C20orf203: variants seen among roughly 807,000 people sequenced by gnomAD.
The protein encoded by C20orf203 is chromosome 20 open reading frame 203, also known as uncharacterized protein C20orf203.
In C20orf203, 16 loss-of-function variants were observed where a neutral mutation model predicts 15.9. The observed-to-expected ratio is 1.01, with a 90% CI of 0.68 to 1.53. The LOEUF is 1.53. Ranked by LOEUF, C20orf203 falls within the 40% of genes most tolerant of loss-of-function variation. The probability of loss-of-function intolerance (pLI) is 0.00; values close to 1 mark genes in which losing one functional copy is unlikely to be tolerated. For synonymous variants in C20orf203, 98 were observed against 97.2 expected, an observed-to-expected ratio of 1.01 and a Z score of -0.05; for missense variants, 263 against 247.5, an observed-to-expected ratio of 1.06 and a Z score of -0.42.
At chr20:32,642,296 G>A (rs1173169950) in intron 4 of C20orf203, among the ~76,000 whole-genome samples, 1 of 152,192 alleles carries the variant, frequency 6.6e-6, no homozygotes, top group Non-Finnish European at 1.5e-5. Context: ...CTGCAGACTT[G>A]GCCCTGCTCT....
intron 5 of C20orf203, among the ~76,000 whole-genome samples, chr20:32,636,821 C>T (rs918221165): frequency 6.6e-6 from 1 of 152,212 alleles, no homozygotes; most frequent in Admixed American, 6.5e-5. Context: ...GTTGGAGTGA[C>T]CCATTCATCC....
intron 4 of C20orf203, among the ~76,000 whole-genome samples, chr20:32,646,121 G>T (rs1889582518): frequency 6.6e-6 from 1 of 151,470 alleles, no homozygotes; most frequent in African/African-American, 2.4e-5. Context: ...TGGGCCTTAA[G>T]GTAAGGGTCA....
chr20:32,652,902 G>A (rs1179846472), intron 1 of C20orf203, among the ~76,000 whole-genome samples: 1 of 152,202 alleles, frequency 6.6e-6, no homozygotes, highest in African/African-American at 2.4e-5. Context: ...GGCAGGGTGA[G>A]TGCTAGGTCA....
At chr20:32,667,033 C>CT (rs539969132) in intron 1 of C20orf203, among the ~76,000 whole-genome samples, 14 of 150,844 alleles carry the variant, frequency 9.3e-5, no homozygotes, top group East Asian at 5.8e-4. Flanking sequence ...GATTTACATC[C>CT]TTTTTTTTGA....
chr20:32,646,697 T>A (rs1274467372), intron 4 of C20orf203, among the ~76,000 whole-genome samples: 2 of 152,202 alleles, frequency 1.3e-5, no homozygotes, highest in African/African-American at 2.4e-5. Flanking sequence ...CCCTAACTTG[T>A]CCCTATAGGT....
intron 1 of C20orf203, among the ~76,000 whole-genome samples, chr20:32,668,029 C>A (rs1349753241): frequency 6.6e-6 from 1 of 152,130 alleles, no homozygotes; most frequent in Non-Finnish European, 1.5e-5. Context: ...GGCTAGCCCG[C>A]CTGGAGTGAA....
chr20:32,637,653 A>G (rs987552654), intron 5 of C20orf203, among the ~76,000 whole-genome samples: 1 of 152,146 alleles, frequency 6.6e-6, no homozygotes, highest in African/African-American at 2.4e-5. Flanking sequence ...CTTGGACTAC[A>G]GTGTCAGCTC....
chr20:32,647,137 G>A (rs1982455776), intron 4 of C20orf203, among the ~76,000 whole-genome samples: 1 of 152,228 alleles, frequency 6.6e-6, no homozygotes, highest in Non-Finnish European at 1.5e-5. Context: ...GCTCACACCT[G>A]TAATCCCAGC....
chr20:32,668,640 A>T (rs942193803), intron 1 of C20orf203, among the ~76,000 whole-genome samples: 3 of 151,614 alleles, frequency 2.0e-5, no homozygotes, highest in Admixed American at 1.3e-4. Context: ...AAAAATAAAT[A>T]AAAAAATAAA....
At chr20:32,647,830 A>G (rs1345249880) in intron 4 of C20orf203, among the ~76,000 whole-genome samples, 2 of 152,186 alleles carry the variant, frequency 1.3e-5, no homozygotes, top group East Asian at 3.8e-4. Flanking sequence ...CCTGGAGTGC[A>G]GGAGTGTTGG....
At chr20:32,653,435 A>T (rs1377583921) in intron 1 of C20orf203, among the ~76,000 whole-genome samples, 1 of 152,168 alleles carries the variant, frequency 6.6e-6, no homozygotes, top group East Asian at 1.9e-4. Flanking sequence ...TGTGTGACAT[A>T]GCATGCAGCA....
intron 1 of C20orf203, among the ~76,000 whole-genome samples, chr20:32,666,797 T>TTTTTTATATATATATATATATA: frequency 1.5e-5 from 1 of 65,594 alleles, no homozygotes; most frequent in East Asian, 2.9e-4. Flanking sequence ...TAATTTTAAT[T>TTTTTTATATATATATATATATA]TATATATATA....
intron 1 of C20orf203, among the ~76,000 whole-genome samples, chr20:32,665,278 C>A (rs984057514): frequency 6.6e-6 from 1 of 152,242 alleles, no homozygotes; most frequent in Non-Finnish European, 1.5e-5. Context: ...CTGCCCCAGT[C>A]TCCAGCTGCA....
intron 4 of C20orf203, among the ~76,000 whole-genome samples, chr20:32,648,070 C>T (rs539879667): frequency 6.6e-6 from 1 of 152,342 alleles, no homozygotes; most frequent in African/African-American, 2.4e-5. Flanking sequence ...CAGAGATCTG[C>T]TACTTGGGCT....
chr20:32,645,343 C>T (rs1479367390), intron 4 of C20orf203, among the ~76,000 whole-genome samples: 1 of 152,212 alleles, frequency 6.6e-6, no homozygotes, highest in Non-Finnish European at 1.5e-5. Flanking sequence ...TGGCATCCCG[C>T]CCGGCTCACT....
chr20:32,664,211 C>A (rs1308597882), intron 1 of C20orf203, among the ~76,000 whole-genome samples: 1 of 152,182 alleles, frequency 6.6e-6, no homozygotes, highest in Non-Finnish European at 1.5e-5. Context: ...CTGATCTGCG[C>A]CTTAGGGAAG....
intron 1 of C20orf203, among the ~76,000 whole-genome samples, chr20:32,669,940 G>C (rs1320543660): frequency 2.0e-5 from 3 of 152,206 alleles, no homozygotes; most frequent in African/African-American, 7.2e-5. Context: ...AGTTGCTTAC[G>C]CCTGTAATCC....
chr20:32,669,177 A>C (rs963638789), intron 1 of C20orf203, among the ~76,000 whole-genome samples: 2 of 152,172 alleles, frequency 1.3e-5, no homozygotes, highest in African/African-American at 4.8e-5. Context: ...TGATGCAGGC[A>C]AGGGGCTTGG....
rs1035735233 is a variant in C20orf203 at position 32,650,363 on chromosome 20, A to G, written c.*69T>C. The G allele has an allele frequency of 5.3e-6, 6 of 1,129,166 alleles. No homozygotes were observed. The highest frequency in any genetic ancestry group is 7.7e-6 in the Non-Finnish European group (6 of 781,330). The allele number at this position is 1,129,166 out of a possible 1,614,324, so 69.9% of individuals were successfully genotyped here. On this transcript the variant is annotated 3_prime_UTR_variant, in exon 4 of 6. Coordinates refer to ENST00000608990, the MANE Select transcript of C20orf203 (RefSeq NM_182584.4). ...ATTGTGGGGGGTGGTAACAGGGGAC[A>G]CCCTGAGGTGGTGGTGGCCTTGGTA...
Sources: gnomAD v4.1 joint callset for allele counts (sites outside exome capture counted in the v4.1 genomes callset) on GRCh38, gnomAD v4.1.1 for gene constraint, MANE v1.5 for transcripts, NCBI Gene and HGNC (gene_info 2026-07-23, HGNC 2026-07-21) for gene names.